SAXO1: variants seen among roughly 807,000 people sequenced by gnomAD.
SAXO1 encodes the protein 4930500O09Rik.
A neutral mutation model predicts 17.5 loss-of-function variants in SAXO1; 21 were observed. The observed-to-expected ratio is 1.20, with a 90% CI of 0.85 to 1.72. The LOEUF (loss-of-function observed/expected upper bound fraction) is 1.72. Among genes scored for constraint, SAXO1 ranks in the 40% most tolerant of loss-of-function variants. The pLI is 0.00. For synonymous variants in SAXO1, 274 were observed against 216.5 expected, an observed-to-expected ratio of 1.27 and a Z score of -2.33; for missense variants, 843 against 596.0, an observed-to-expected ratio of 1.41 and a Z score of -4.32.
chr9:19,005,440 A>G (rs545284591), intron 1 of SAXO1, among the ~76,000 whole-genome samples: 1 of 152,328 alleles, frequency 6.6e-6, no homozygotes, highest in East Asian at 1.9e-4. Flanking sequence ...CATATAGACC[A>G]GTGGTATAGA....
chr9:18,953,752 G>A (rs1832132538), intron 1 of SAXO1, among the ~76,000 whole-genome samples: 1 of 147,146 alleles, frequency 6.8e-6, no homozygotes, highest in Admixed American at 6.6e-5. Flanking sequence ...TTTTGTTTTG[G>A]AAGCTAGCCA....
chr9:18,983,890 C>T (rs1490585817), intron 1 of SAXO1, among the ~76,000 whole-genome samples: 2 of 152,218 alleles, frequency 1.3e-5, no homozygotes, highest in Non-Finnish European at 2.9e-5. Context: ...AAAGGACATG[C>T]TGACTCTTGT....
intron 1 of SAXO1, among the ~76,000 whole-genome samples, chr9:19,024,765 C>A (rs983708824): frequency 6.6e-6 from 1 of 151,922 alleles, no homozygotes; most frequent in Non-Finnish European, 1.5e-5. Flanking sequence ...TGGTCTCATT[C>A]ATCTAAGGGT....
intron 1 of SAXO1, among the ~76,000 whole-genome samples, chr9:18,965,990 C>T (rs572648324): frequency 6.6e-6 from 1 of 152,284 alleles, no homozygotes; most frequent in Non-Finnish European, 1.5e-5. Context: ...TTTTATTTCT[C>T]CCTCACTTAT....
intron 1 of SAXO1, among the ~76,000 whole-genome samples, chr9:18,961,591 G>T (rs1832486125): frequency 6.6e-6 from 1 of 151,800 alleles, no homozygotes. Context: ...TGTGGTGTTT[G>T]CTTTTCTGTT....
intron 1 of SAXO1, among the ~76,000 whole-genome samples, chr9:18,967,405 C>G (rs1832761735): frequency 6.6e-6 from 1 of 152,176 alleles, no homozygotes; most frequent in Admixed American, 6.5e-5. Context: ...CTATAGACCC[C>G]TGACTGGGGC....
chr9:18,948,592 G>C (rs1831892577), intron 2 of SAXO1, among the ~76,000 whole-genome samples: 1 of 152,156 alleles, frequency 6.6e-6, no homozygotes, highest in East Asian at 1.9e-4. Context: ...GGATAATTTA[G>C]GACAGGTCAG....
At position 18,999,164 on chromosome 9, in the gene SAXO1, T is replaced by A. The variant is rs375897443; in HGVS notation, c.38+33707A>T. 2.0e-5 allele frequency among the ~76,000 whole-genome samples: 3 copies of A among 152,100 alleles called. No individual in the cohort carries two copies. In the South Asian group the frequency reaches 6.2e-4, roughly 31 times the overall value. ...CAATTAAAAGACACAGACTGGCAAATTGGATAAAGAGTCAAGACCTACCTG... is the reference window on the plus strand; with the variant it reads ...CAATTAAAAGACACAGACTGGCAAAATGGATAAAGAGTCAAGACCTACCTG... On this transcript the variant is annotated intron_variant, in intron 1 of 3. Transcript: ENST00000380534.
intron 1 of SAXO1, among the ~76,000 whole-genome samples, chr9:18,970,480 C>T (rs993024798): frequency 3.9e-5 from 6 of 152,172 alleles, no homozygotes; most frequent in African/African-American, 1.4e-4. Context: ...CTCCTCCTGT[C>T]CTCTCCTAGC....
At chr9:19,023,105 A>C (rs1405709164) in intron 1 of SAXO1, among the ~76,000 whole-genome samples, 1 of 151,772 alleles carries the variant, frequency 6.6e-6, no homozygotes, top group Non-Finnish European at 1.5e-5. Context: ...TCTTATCATC[A>C]ATATTTAATC....
intron 1 of SAXO1, among the ~76,000 whole-genome samples, chr9:19,000,226 A>C (rs1834201714): frequency 6.8e-6 from 1 of 147,618 alleles, no homozygotes; most frequent in African/African-American, 2.5e-5. Flanking sequence ...ATGACTGGGA[A>C]GTGAGGAGCG....
intron 1 of SAXO1, among the ~76,000 whole-genome samples, chr9:19,013,540 A>ATTTTTTTTTTTTTT (rs1219136885): frequency 3.2e-5 from 3 of 93,204 alleles, no homozygotes; most frequent in African/African-American, 4.3e-5. Context: ...AAAAGTACGG[A>ATTTTTTTTTTTTTT]TTTTTTTTTT....
At chr9:19,044,151 C>A (rs1836147193) in intron 1 of SAXO1, among the ~76,000 whole-genome samples, 2 of 147,142 alleles carry the variant, frequency 1.4e-5, no homozygotes, top group African/African-American at 5.1e-5. Flanking sequence ...AAAAAAAAAA[C>A]AATTGGATTG....
At chr9:19,030,195 G>A (rs1046012329) in intron 1 of SAXO1, among the ~76,000 whole-genome samples, 1 of 152,062 alleles carries the variant, frequency 6.6e-6, no homozygotes, top group African/African-American at 2.4e-5. Flanking sequence ...ATCAGAAAAG[G>A]GACATCAGCA....
intron 1 of SAXO1, among the ~76,000 whole-genome samples, chr9:18,963,071 ATTGT>A (rs1389704350): frequency 6.6e-6 from 1 of 151,980 alleles, no homozygotes; most frequent in African/African-American, 2.4e-5. Context: ...TCCTCCATTG[ATTGT>A]TTTTGTCAGA....
intron 2 of SAXO1, among the ~76,000 whole-genome samples, chr9:18,947,226 C>G (rs952769950): frequency 6.6e-6 from 1 of 152,096 alleles, no homozygotes; most frequent in Admixed American, 6.5e-5. Context: ...TCTCTTTGAA[C>G]AAAAAATATA....
intron 1 of SAXO1, among the ~76,000 whole-genome samples, chr9:19,043,167 G>A (rs1347487582): frequency 6.6e-6 from 1 of 151,684 alleles, no homozygotes; most frequent in Admixed American, 6.6e-5. Flanking sequence ...GCAAAACCCT[G>A]TCCCCCCAAA....
intron 1 of SAXO1, among the ~76,000 whole-genome samples, chr9:18,986,424 A>G (rs1833597897): frequency 6.6e-6 from 1 of 152,230 alleles, no homozygotes; most frequent in African/African-American, 2.4e-5. Context: ...CTGTATTTTC[A>G]AAATGTAGTA....
chr9:18,949,002 T>C (rs928513847), intron 2 of SAXO1, among the ~76,000 whole-genome samples: 5 of 152,216 alleles, frequency 3.3e-5, no homozygotes, highest in Non-Finnish European at 7.3e-5. Context: ...TCTTACTTGG[T>C]GTTGACCAGG....
Sources: allele counts gnomAD v4.1 joint callset (sites outside exome capture counted in the v4.1 genomes callset), GRCh38; gene constraint gnomAD v4.1.1; transcripts MANE v1.5; gene names NCBI Gene and HGNC (gene_info 2026-07-23, HGNC 2026-07-21).